CERT1: variants seen among roughly 807,000 people sequenced by gnomAD.
CERT1 encodes the protein ceramide transfer protein.
Under a neutral mutation model 87.9 loss-of-function variants are expected in CERT1, and 31 were observed. The ratio of observed to expected loss-of-function variants is 0.35; its 90% CI spans 0.27 to 0.48. The LOEUF (loss-of-function observed/expected upper bound fraction) is 0.48. Among genes scored for constraint, CERT1 ranks in the 20% least tolerant of loss-of-function variants. CERT1 has a pLI of 0.99. For missense variants in CERT1, 487 were observed against 758.0 expected (o/e 0.64, Z 4.20); for synonymous variants, 289 against 250.9 (o/e 1.15, Z -1.44).
intron 5 of CERT1, among the ~76,000 whole-genome samples, chr5:75,420,417 C>A (rs769436082): frequency 1.3e-5 from 2 of 150,644 alleles, no homozygotes; most frequent in Non-Finnish European, 2.9e-5. Flanking sequence ...GATCTCGGCT[C>A]ACTGCAAGCT....
Position 75,511,576 on chromosome 5 carries a change from G to GCGTCCA in CERT1, c.-375_-370dup. 1 of 1,461,246 alleles carries GCGTCCA rather than the reference G, an allele frequency of 6.8e-7. No homozygotes were observed. The highest frequency in any genetic ancestry group is 1.4e-5 in the South Asian group (1 of 71,880). The allele number at this position is 1,461,246 out of a possible 1,614,324, so 90.5% of individuals were successfully genotyped here. On this transcript the variant is annotated 5_prime_UTR_variant, in exon 1 of 17. Transcript: ENST00000643780. ...AGAGAAAATCCGGCCGCTGAGTCCC[G>GCGTCCA]CGTCCACTCACACCTCCGCTACCGC...
At chr5:75,397,094 C>T (rs1762286925) in intron 11 of CERT1, among the ~76,000 whole-genome samples, 1 of 152,176 alleles carries the variant, frequency 6.6e-6, no homozygotes. Flanking sequence ...GGGAATTAGT[C>T]ATCTATTATA....
chr5:75,475,907 T>C (rs1430360674), intron 2 of CERT1, among the ~76,000 whole-genome samples: 1 of 152,168 alleles, frequency 6.6e-6, no homozygotes, highest in African/African-American at 2.4e-5. Flanking sequence ...ACTGGATTTT[T>C]GAGAGGACAG....
chr5:75,509,897 G>C (rs974064258), intron 1 of CERT1, among the ~76,000 whole-genome samples: 3 of 152,106 alleles, frequency 2.0e-5, no homozygotes, highest in African/African-American at 7.2e-5. Flanking sequence ...TGAAAACCTT[G>C]CACTGAAATT....
chr5:75,370,952 CAAAA>C (rs373729532), intron 17 of CERT1: 9 of 97,252 alleles, frequency 9.3e-5, no homozygotes, highest in Admixed American at 3.5e-4. Context: ...ACTCTGTCTC[CAAAA>C]AAAAAAAAAA....
chr5:75,462,847 C>G (rs1313555163), intron 2 of CERT1, among the ~76,000 whole-genome samples: 1 of 151,714 alleles, frequency 6.6e-6, no homozygotes, highest in African/African-American at 2.4e-5. Context: ...CAAAAATTAG[C>G]TGGGTGTGGT....
chr5:75,405,645 C>T (rs1179363375), intron 8 of CERT1, among the ~76,000 whole-genome samples: 1 of 152,052 alleles, frequency 6.6e-6, no homozygotes, highest in East Asian at 1.9e-4. Flanking sequence ...CAATAGTCTC[C>T]CCCATCTGTG....
chr5:75,469,253 T>C (rs909125226), intron 2 of CERT1, among the ~76,000 whole-genome samples: 3 of 151,702 alleles, frequency 2.0e-5, no homozygotes, highest in Admixed American at 6.6e-5. Context: ...TATTTGAAAA[T>C]ATATGGTCAG....
In CERT1 at chr5:75,383,629, T is replaced by C. The variant is rs112893891; in HGVS notation, c.1488+1013A>G. Among the ~76,000 whole-genome samples, 614 of 152,270 alleles carry C rather than the reference T, an allele frequency of 4.0e-3. 1 individual carries two copies. The highest frequency in any genetic ancestry group is 6.8e-3 in the Non-Finnish European group (461 of 67,990). On this transcript the variant is annotated intron_variant, in intron 14 of 16. Transcript: ENST00000643780. ...AAGTATGGCTCCTAATTATTAGATA[T>C]AAGATGTCTCAGATGACAAGACTGA...
intron 11 of CERT1, among the ~76,000 whole-genome samples, chr5:75,396,583 G>T (rs1762262512): frequency 6.6e-6 from 1 of 151,906 alleles, no homozygotes; most frequent in African/African-American, 2.4e-5. Context: ...AAAAAAATTA[G>T]CTGGGTGTGG....
intron 2 of CERT1, among the ~76,000 whole-genome samples, chr5:75,496,075 C>A (rs1157728987): frequency 6.6e-6 from 1 of 151,978 alleles, no homozygotes; most frequent in Non-Finnish European, 1.5e-5. Context: ...ATTTGCCAAA[C>A]ATGTACCTGA....
intron 14 of CERT1, 131 bp downstream of exon 14, chr5:75,384,511 G>A (rs1465390548): frequency 1.6e-6 from 1 of 608,002 alleles, no homozygotes; most frequent in East Asian, 2.8e-5. Flanking sequence ...TGACATTCAT[G>A]AATCATTATT....
At chr5:75,477,726 C>T (rs529441343) in intron 2 of CERT1, among the ~76,000 whole-genome samples, 36 of 149,550 alleles carry the variant, frequency 2.4e-4, no homozygotes, top group African/African-American at 6.4e-4. Flanking sequence ...AGAATATTAT[C>T]CAGCTATTTT....
chr5:75,425,593 C>A lies in CERT1; in HGVS notation c.457-94G>T. On this transcript the variant is annotated intron_variant, in intron 4 of 16. Coordinates refer to ENST00000643780, the MANE Select transcript of CERT1 (RefSeq NM_001379029.1). ...ATTTCATCAACTTTTAAGGTCTGCA[C>A]CTTATAACTGAGGGCATGGGATAAG... The A allele has an allele frequency of 9.9e-6, 12 of 1,216,098 alleles. 1 individual carries two copies. In the Middle Eastern group the frequency reaches 2.4e-3, roughly 239 times the overall value. The allele number at this position is 1,216,098 out of a possible 1,614,324, so 75.3% of individuals were successfully genotyped here. A position where few individuals can be genotyped will look rare whatever the true frequency, so the allele number is the denominator to read the frequency against.
intron 3 of CERT1, among the ~76,000 whole-genome samples, chr5:75,450,931 A>C (rs534828991): frequency 6.6e-6 from 1 of 152,320 alleles, no homozygotes; most frequent in East Asian, 1.9e-4. Context: ...AGGACCTCCT[A>C]GGGCTGTGTC....
Position 75,511,484 on chromosome 5 carries a change from G to C in CERT1, c.-277C>G. On this transcript the variant is annotated 5_prime_UTR_variant, in exon 1 of 17. Transcript: ENST00000643780. The stretch of plus-strand genomic sequence containing the variant: ...CCGTGACCCCTGCGTTGCGCCCGGC[G>C]CTGCCACCCGAACTTAGCCCCCTCG... 6.7e-7 allele frequency: 1 copy of C among 1,502,526 alleles called. No individual in the cohort carries two copies. The highest frequency in any genetic ancestry group is 1.4e-5 in the African/African-American group (1 of 71,720). The allele number at this position is 1,502,526 out of a possible 1,614,324, so 93.1% of individuals were successfully genotyped here. A position where few individuals can be genotyped will look rare whatever the true frequency, so the allele number is the denominator to read the frequency against.
At chr5:75,476,782 G>A (rs754412509) in intron 2 of CERT1, among the ~76,000 whole-genome samples, 5 of 152,018 alleles carry the variant, frequency 3.3e-5, no homozygotes, top group Non-Finnish European at 5.9e-5. Context: ...AAAATACTTC[G>A]GTTTTTCTTT....
rs529858609 is a variant in CERT1, at chr5:75,384,927, T to C, written c.1418-215A>G. 9.2e-5 allele frequency among the ~76,000 whole-genome samples: 14 copies of C among 152,290 alleles called. No individual in the cohort carries two copies. The South Asian group carries it at 2.9e-3, about 32-fold the overall frequency. ...GATCACCAGGAAGCCTCATTTTCTT[T>C]GGCCCAATTATCTATCTTCCACAGC... On this transcript the variant is annotated intron_variant, in intron 13 of 16. Coordinates refer to ENST00000643780, the MANE Select transcript of CERT1 (RefSeq NM_001379029.1).
Position 75,426,490 on chromosome 5 carries a change from AGT to A in CERT1, c.349-14_349-13del. On this transcript the variant is annotated splice_polypyrimidine_tract_variant and intron_variant, in intron 3 of 16. Coordinates refer to ENST00000643780, the MANE Select transcript of CERT1 (RefSeq NM_001379029.1). ...TATCCAGATTCAGTCTAAAAAAAAAAGTAAACTATGTGAAAAGAATTTAAATA... is the reference window on the plus strand; with the variant it reads ...TATCCAGATTCAGTCTAAAAAAAAAAAAACTATGTGAAAAGAATTTAAATA... 1 of 1,545,976 alleles carries A rather than the reference AGT, an allele frequency of 6.5e-7. No individual in the cohort carries two copies. The highest frequency in any genetic ancestry group is 8.9e-7 in the Non-Finnish European group (1 of 1,122,256).
Sources: allele counts gnomAD v4.1 joint callset (sites outside exome capture counted in the v4.1 genomes callset), GRCh38; gene constraint gnomAD v4.1.1; transcripts MANE v1.5; gene names NCBI Gene and HGNC (gene_info 2026-07-23, HGNC 2026-07-21).